FLVCR2: variants seen among roughly 807,000 people sequenced by gnomAD.
FLVCR2 encodes FLVCR choline and putative heme transporter 2.
Under a neutral mutation model 48.9 loss-of-function variants are expected in FLVCR2, and 38 were observed. The observed-to-expected ratio is 0.78, with a 90% confidence interval of 0.60 to 1.02. The LOEUF is 1.02. FLVCR2 is among the 50% of genes least tolerant of loss of function. FLVCR2 has a pLI of 0.00. For missense variants in FLVCR2, 664 were observed against 663.3 expected (o/e 1.00, Z -0.01); for synonymous variants, 255 against 257.0 (o/e 0.99, Z 0.07).
intron 1 of FLVCR2, among the ~76,000 whole-genome samples, chr14:75,620,077 C>CTTCCAGACCTCCAACTCACT (rs1889725698): frequency 1.3e-5 from 2 of 152,204 alleles, no homozygotes; most frequent in Admixed American, 6.5e-5. Context: ...TTCTACTTAA[C>CTTCCAGACCTCCAACTCACT]TTCCAGACCT....
intron 9 of FLVCR2, among the ~76,000 whole-genome samples, chr14:75,643,541 G>A (rs1890351073): frequency 6.6e-6 from 1 of 152,236 alleles, no homozygotes; most frequent in African/African-American, 2.4e-5. Context: ...GTGTTTGAAG[G>A]ATCTGTGTTG....
intron 1 of FLVCR2, among the ~76,000 whole-genome samples, chr14:75,588,575 C>T (rs959550317): frequency 7.2e-5 from 11 of 152,124 alleles, no homozygotes; most frequent in African/African-American, 1.7e-4. Context: ...CTCCACTTCC[C>T]GATTCAAGCA....
chr14:75,594,300 G>A lies in FLVCR2; in HGVS notation c.669+14659G>A, dbSNP rs1211674582. Among the ~76,000 whole-genome samples the A allele has an allele frequency of 2.6e-5, 4 of 152,188 alleles. No individual in the cohort carries two copies. The East Asian group carries it at 5.8e-4, about 22-fold the overall frequency. ...TTCTTAAAGTTCTTTTTTCATCTGA[G>A]CCCTCTCCAGAATTCCCCTTAATAC... On this transcript the variant is annotated intron_variant, in intron 1 of 9. Transcript: ENST00000238667.
chr14:75,616,495 A>G (rs538725482), intron 1 of FLVCR2, among the ~76,000 whole-genome samples: 1 of 152,094 alleles, frequency 6.6e-6, no homozygotes, highest in Admixed American at 6.6e-5. Context: ...ACATATATAT[A>G]TTTTTTAATT....
chr14:75,604,977 C>A (rs1262454762), intron 1 of FLVCR2, among the ~76,000 whole-genome samples: 1 of 152,172 alleles, frequency 6.6e-6, no homozygotes, highest in Non-Finnish European at 1.5e-5. Context: ...TGGGTCAACC[C>A]CTATGCCTGT....
intron 3 of FLVCR2, chr14:75,632,784 CTTATTATT>C: frequency 1.4e-6 from 1 of 702,108 alleles, no homozygotes; most frequent in South Asian, 1.5e-5. Context: ...AGTGGCAGTA[CTTATTATT>C]TTAACTGTGT....
chr14:75,583,834 A>G (rs1055975245), intron 1 of FLVCR2, among the ~76,000 whole-genome samples: 3 of 152,172 alleles, frequency 2.0e-5, no homozygotes, highest in Non-Finnish European at 4.4e-5. Context: ...GGTAGCCTCC[A>G]TATTGATTAA....
intron 1 of FLVCR2, among the ~76,000 whole-genome samples, chr14:75,618,575 T>G (rs1889673769): frequency 6.6e-6 from 1 of 152,182 alleles, no homozygotes; most frequent in African/African-American, 2.4e-5. Context: ...CATTCATTCA[T>G]TTGCCTTCCC....
At chr14:75,619,785 C>T (rs1889717506) in intron 1 of FLVCR2, among the ~76,000 whole-genome samples, 1 of 152,180 alleles carries the variant, frequency 6.6e-6, no homozygotes, top group Non-Finnish European at 1.5e-5. Flanking sequence ...ATCCAACCTG[C>T]TGCCTGGAGA....
chr14:75,605,488 G>T, intron 1 of FLVCR2: 1 of 1,521,994 alleles, frequency 6.6e-7, no homozygotes. Flanking sequence ...TTGATTACAG[G>T]CATCTTTCCT....
intron 1 of FLVCR2, among the ~76,000 whole-genome samples, chr14:75,586,283 G>C (rs1404603394): frequency 6.6e-6 from 1 of 152,148 alleles, no homozygotes; most frequent in Non-Finnish European, 1.5e-5. Flanking sequence ...CATTCTCAAG[G>C]GTGGGGAGAA....
chr14:75,578,997 G>A lies in FLVCR2; in HGVS notation c.25G>A (p.Glu9Lys). 1.2e-6 allele frequency: 2 copies of A among 1,614,106 alleles called. No homozygotes were observed. Among genetic ancestry groups the A allele is most frequent in the South Asian group, 1.1e-5 (1 of 91,078 alleles). ...GATGGTGAATGAAGGTCCCAACCAG[G>A]AAGAGAGCGATGACACCCCTGTGCC... MVNEGPNQ[E>K]ESDDTPVPES... Residue 9 changes from glutamate (E) to lysine (K), a missense_variant, in exon 1 of 10, where the codon GAA becomes AAA. By Grantham distance (56) the Glu-to-Lys change is moderately conservative. Coordinates refer to ENST00000238667, the MANE Select transcript of FLVCR2 (RefSeq NM_017791.3).
intron 1 of FLVCR2, among the ~76,000 whole-genome samples, chr14:75,608,345 G>A (rs564303891): frequency 7.2e-5 from 11 of 152,270 alleles, no homozygotes; most frequent in South Asian, 2.1e-4. Flanking sequence ...GCTGTTCGGC[G>A]GCTCCAGGAA....
intron 8 of FLVCR2, among the ~76,000 whole-genome samples, chr14:75,641,607 A>C (rs920124627): frequency 6.6e-6 from 1 of 152,186 alleles, no homozygotes; most frequent in African/African-American, 2.4e-5. Context: ...CAATGTGTGC[A>C]AAGTCCCTGA....
chr14:75,634,089 T>C (rs2140048282), intron 4 of FLVCR2, among the ~76,000 whole-genome samples: 1 of 152,238 alleles, frequency 6.6e-6, no homozygotes, highest in South Asian at 2.1e-4. Flanking sequence ...TGTTGGCAAA[T>C]ATATATATAA....
intron 3 of FLVCR2, among the ~76,000 whole-genome samples, chr14:75,632,268 AC>A (rs1890062446): frequency 6.6e-6 from 1 of 152,226 alleles, no homozygotes; most frequent in African/African-American, 2.4e-5. Flanking sequence ...CCTTCGCTTA[AC>A]TTTGTATCTT....
chr14:75,624,804 G>C (rs1346090657), intron 3 of FLVCR2, 52 bp downstream of exon 3: 2 of 1,591,018 alleles, frequency 1.3e-6, no homozygotes, highest in Non-Finnish European at 1.7e-6. Flanking sequence ...TGTTAGATGA[G>C]AGGCCTGATG....
chr14:75,594,091 C>T, intron 1 of FLVCR2, among the ~76,000 whole-genome samples: 1 of 152,350 alleles, frequency 6.6e-6, no homozygotes, highest in East Asian at 1.9e-4. Context: ...AAGACACTGA[C>T]AGAATTCTGC....
chr14:75,592,765 G>A (rs1888916982), intron 1 of FLVCR2, among the ~76,000 whole-genome samples: 1 of 152,064 alleles, frequency 6.6e-6, no homozygotes, highest in African/African-American at 2.4e-5. Flanking sequence ...GAGGTGGGCG[G>A]ATCACCTGAG....
Sources: allele counts gnomAD v4.1 joint callset (sites outside exome capture counted in the v4.1 genomes callset), GRCh38; gene constraint gnomAD v4.1.1; transcripts MANE v1.5; gene names NCBI Gene and HGNC (gene_info 2026-07-23, HGNC 2026-07-21).